The following SPMIP2 variants were observed in gnomAD, a reference collection of about 807,000 sequenced individuals.
The protein encoded by SPMIP2 is protein SPMIP2.
chr4:159,038,497 A>T, the SPMIP2 span: 1 of 152,066 alleles, frequency 6.6e-6, no homozygotes, highest in African/African-American at 2.4e-5. Flanking sequence ...TCCATCCTAC[A>T]TTTTTTTAAA....
chr4:158,977,362 T>G, the SPMIP2 span, among the ~76,000 whole-genome samples: 3 of 152,192 alleles, frequency 2.0e-5, no homozygotes, highest in African/African-American at 7.2e-5. Context: ...TTCTTCTGGA[T>G]TTTCTACTTT....
chr4:158,964,171 AC>A, the SPMIP2 span, among the ~76,000 whole-genome samples: 46,050 of 139,808 alleles, frequency 0.33, 9,410 homozygotes, highest in East Asian at 0.59. Context: ...ACAAAACAAA[AC>A]AAAACAAAAC....
At chr4:158,958,153 C>A in the SPMIP2 span, among the ~76,000 whole-genome samples, 3 of 152,168 alleles carry the variant, frequency 2.0e-5, no homozygotes, top group Admixed American at 1.3e-4. Context: ...TGTGTACCAC[C>A]ACTCCTGACT....
chr4:159,063,394 A>C, the SPMIP2 span, among the ~76,000 whole-genome samples: 1 of 152,012 alleles, frequency 6.6e-6, no homozygotes, highest in Admixed American at 6.6e-5. Flanking sequence ...CGCCTTCTCT[A>C]TAAAAATTAG....
chr4:158,984,610 A>C, the SPMIP2 span, among the ~76,000 whole-genome samples: 2 of 152,026 alleles, frequency 1.3e-5, no homozygotes, highest in African/African-American at 4.8e-5. Flanking sequence ...ACATACCAGA[A>C]TCTCTGGGAC....
chr4:158,955,721 G>A, the SPMIP2 span, among the ~76,000 whole-genome samples: 22 of 152,040 alleles, frequency 1.4e-4, no homozygotes, highest in Non-Finnish European at 2.4e-4. Flanking sequence ...CACTGCATGC[G>A]GCCATTAGTT....
chr4:159,041,949 T>A, the SPMIP2 span, among the ~76,000 whole-genome samples: 1 of 152,362 alleles, frequency 6.6e-6, no homozygotes, highest in African/African-American at 2.4e-5. Context: ...ACAGAGAATG[T>A]TGATTCCCAA....
the SPMIP2 span, among the ~76,000 whole-genome samples, chr4:159,071,833 G>T: frequency 6.6e-6 from 1 of 152,142 alleles, no homozygotes; most frequent in African/African-American, 2.4e-5. Flanking sequence ...TGGGTTGCAG[G>T]TTGGAATTTG....
the SPMIP2 span, among the ~76,000 whole-genome samples, chr4:159,062,729 C>CTCTCTCTCTCTCTCTCTCTCTCTCTTT: frequency 6.6e-6 from 1 of 150,484 alleles, no homozygotes; most frequent in Non-Finnish European, 1.5e-5. Context: ...CTCTCTGTCA[C>CTCTCTCTCTCTCTCTCTCTCTCTCTTT]CCAGGCTGGA....
the SPMIP2 span, among the ~76,000 whole-genome samples, chr4:159,023,871 T>G: frequency 6.6e-6 from 1 of 152,210 alleles, no homozygotes; most frequent in Non-Finnish European, 1.5e-5. Context: ...GTCACCTGAC[T>G]GCCAAGAATA....
chr4:158,904,731 A>G, the SPMIP2 span: 2 of 581,594 alleles, frequency 3.4e-6, no homozygotes, highest in Admixed American at 3.0e-5. Context: ...TACTTGACAT[A>G]ATAGCATTTG....
the SPMIP2 span, among the ~76,000 whole-genome samples, chr4:158,903,937 T>C: frequency 6.6e-6 from 1 of 152,232 alleles, no homozygotes; most frequent in Non-Finnish European, 1.5e-5. Context: ...TACCTTTTAG[T>C]GTCACTTTGC....
the SPMIP2 span, among the ~76,000 whole-genome samples, chr4:159,045,796 G>A: frequency 2.0e-5 from 3 of 152,182 alleles, no homozygotes; most frequent in Non-Finnish European, 2.9e-5. Context: ...AAGATCTCTC[G>A]TAAGATTGCA....
At chr4:159,076,267 C>T in the SPMIP2 span, among the ~76,000 whole-genome samples, 56 of 152,292 alleles carry the variant, frequency 3.7e-4, no homozygotes, top group Non-Finnish European at 4.7e-4. Context: ...ATTACCAACT[C>T]CCAAAAGATT....
At chr4:159,078,065 CAG>C in the SPMIP2 span, among the ~76,000 whole-genome samples, 2 of 151,940 alleles carry the variant, frequency 1.3e-5, no homozygotes, top group Non-Finnish European at 2.9e-5. Context: ...ACTGGGGAGA[CAG>C]ATATTTGAAA....
the SPMIP2 span, among the ~76,000 whole-genome samples, chr4:159,052,245 G>T: frequency 6.6e-6 from 1 of 152,010 alleles, no homozygotes; most frequent in Non-Finnish European, 1.5e-5. Context: ...AAAATATCAG[G>T]CCTTGTGTGC....
chr4:158,959,567 G>A, the SPMIP2 span, among the ~76,000 whole-genome samples: 1 of 152,088 alleles, frequency 6.6e-6, no homozygotes, highest in Non-Finnish European at 1.5e-5. Context: ...TTTTGCATAT[G>A]CTAATAGCTA....
the SPMIP2 span, among the ~76,000 whole-genome samples, chr4:158,943,542 A>G: frequency 1.3e-5 from 2 of 152,214 alleles, no homozygotes; most frequent in Admixed American, 1.3e-4. Context: ...TGATTAAAAC[A>G]GTAAAATTTG....
the SPMIP2 span, among the ~76,000 whole-genome samples, chr4:158,963,224 CAT>C: frequency 1.3e-5 from 2 of 152,036 alleles, no homozygotes; most frequent in East Asian, 1.9e-4. Context: ...GTGCTTTACA[CAT>C]GTCTCTATCC....
Sources: gnomAD v4.1 joint callset for allele counts (sites outside exome capture counted in the v4.1 genomes callset) on GRCh38, gnomAD v4.1.1 for gene constraint, MANE v1.5 for transcripts, NCBI Gene and HGNC (gene_info 2026-07-23, HGNC 2026-07-21) for gene names.